ASB15: variants seen among roughly 807,000 people sequenced by gnomAD.
The protein encoded by ASB15 is ankyrin repeat and SOCS box containing 15.
ASB15 carries 54 observed loss-of-function variants against 58.0 expected under a neutral mutation model. That is an observed-to-expected ratio of 0.93 (90% CI 0.75 to 1.17). ASB15 has a LOEUF of 1.17. ASB15 is among the 50% of genes most tolerant of loss of function. The pLI, the probability that ASB15 is intolerant of heterozygous loss-of-function variation, is 0.00. For missense variants in ASB15, 680 were observed against 707.4 expected (o/e 0.96, Z 0.44); for synonymous variants, 249 against 262.4 (o/e 0.95, Z 0.50).
chr7:123,569,524 A>G (rs1386695778), intron 1 of ASB15, among the ~76,000 whole-genome samples: 1 of 152,336 alleles, frequency 6.6e-6, no homozygotes, highest in East Asian at 1.9e-4. Flanking sequence ...GATGTATGAG[A>G]TTGACTTAAG....
At chr7:123,628,345 TCTAA>T (rs1801927999) in intron 9 of ASB15, among the ~76,000 whole-genome samples, 2 of 152,220 alleles carry the variant, frequency 1.3e-5, no homozygotes, top group African/African-American at 2.4e-5. Context: ...CTGCTCTGCG[TCTAA>T]CTGTGTGACC....
At position 123,636,965 on chromosome 7, in the gene ASB15, A is replaced by G. The variant is rs754087701; in HGVS notation, c.1751A>G (p.Glu584Gly). ...AAAGAGTATGATCTCTATGGACAAGAGCTAAAATTGACATAACTTAATATT... is the reference window on the plus strand; with the variant it reads ...AAAGAGTATGATCTCTATGGACAAGGGCTAAAATTGACATAACTTAATATT... ...LFKEYDLYGQ[E>G]LKLT Residue 584 changes from glutamate (E) to glycine (G), a missense_variant, in exon 12 of 12, where the codon GAG becomes GGG. Physicochemically the swap from Glu to Gly is moderately conservative, Grantham distance 98 (BLOSUM62 -2). Transcript: ENST00000451215. The G allele has an allele frequency of 4.6e-6, 7 of 1,537,158 alleles. No individual in the cohort carries two copies. The highest frequency in any genetic ancestry group is 1.4e-5 in the African/African-American group (1 of 72,154).
chr7:123,619,179 C>CAAAAA (rs528943780), intron 7 of ASB15, among the ~76,000 whole-genome samples: 70 of 55,220 alleles, frequency 1.3e-3, no homozygotes, highest in African/African-American at 1.9e-3. Flanking sequence ...GACGCCGTCT[C>CAAAAA]AAAAAAAAAA....
intron 1 of ASB15, among the ~76,000 whole-genome samples, chr7:123,573,006 C>T (rs956429694): frequency 2.0e-5 from 3 of 151,944 alleles, no homozygotes; most frequent in Non-Finnish European, 4.4e-5. Context: ...AAACGATCAG[C>T]TATGTGTTTT....
chr7:123,612,465 A>G (rs1370796705), intron 3 of ASB15: 2 of 152,240 alleles, frequency 1.3e-5, no homozygotes, highest in African/African-American at 4.8e-5. Context: ...TTGGAAAAAT[A>G]TTACATAAGA....
chr7:123,601,382 A>G (rs1799876266), upstream of ASB15, among the ~76,000 whole-genome samples: 1 of 152,212 alleles, frequency 6.6e-6, no homozygotes, highest in Non-Finnish European at 1.5e-5. Flanking sequence ...CAATTATTAA[A>G]CAAAAATCAA....
chr7:123,581,669 C>A (rs1196448089), intron 1 of ASB15, among the ~76,000 whole-genome samples: 1 of 151,826 alleles, frequency 6.6e-6, no homozygotes, highest in Non-Finnish European at 1.5e-5. Context: ...GTGAGAACAC[C>A]ACTCAGAGGA....
At chr7:123,587,568 C>T (rs985584297) in intron 1 of ASB15, among the ~76,000 whole-genome samples, 23 of 151,370 alleles carry the variant, frequency 1.5e-4, no homozygotes, top group Non-Finnish European at 3.0e-4. Context: ...TGGTGAGAAC[C>T]TCCAGTACTA....
intron 1 of ASB15, among the ~76,000 whole-genome samples, chr7:123,576,412 A>T (rs1335587174): frequency 6.6e-6 from 1 of 151,972 alleles, no homozygotes; most frequent in Non-Finnish European, 1.5e-5. Flanking sequence ...AACATTTTCC[A>T]TGTGTGTGTG....
intron 11 of ASB15, among the ~76,000 whole-genome samples, chr7:123,633,657 T>C (rs927835737): frequency 6.6e-6 from 1 of 152,132 alleles, no homozygotes; most frequent in Non-Finnish European, 1.5e-5. Context: ...GTGCGTCTGT[T>C]TACAGATAAG....
intron 1 of ASB15, among the ~76,000 whole-genome samples, chr7:123,588,825 A>G (rs1379413047): frequency 6.7e-6 from 1 of 149,486 alleles, no homozygotes; most frequent in Non-Finnish European, 1.5e-5. Context: ...TTCTTTTTTG[A>G]CCCACTGGTT....
intron 1 of ASB15, among the ~76,000 whole-genome samples, chr7:123,591,907 T>C (rs1368940661): frequency 1.3e-5 from 2 of 152,160 alleles, no homozygotes. Flanking sequence ...TGGTAGAATT[T>C]GGCTGTGAAT....
At chr7:123,627,392 A>G (rs1801866778) in intron 9 of ASB15, 111 bp downstream of exon 9, 8 of 843,098 alleles carry the variant, frequency 9.5e-6, no homozygotes, top group Non-Finnish European at 1.2e-5. Context: ...AGAAATAGGC[A>G]TAATCTTCAG....
In ASB15 at chr7:123,604,038, A is replaced by G. The variant is rs929014850; in HGVS notation, c.-238A>G. 1 of 152,240 alleles carries G rather than the reference A, an allele frequency of 6.6e-6. No individual in the cohort carries two copies. Among genetic ancestry groups the G allele is most frequent in the African/African-American group, 2.4e-5 (1 of 41,442 alleles). 9.4% of individuals were successfully genotyped at this position (152,240 alleles called of 1,614,324 possible). On this transcript the variant is annotated 5_prime_UTR_variant, in exon 2 of 12. Transcript: ENST00000451215. ...TAAACAAATGTGTTTCCAGGAAAGC[A>G]GTCAAGACAGTGCAGGAGGTGAGGC... is the stretch of plus-strand genomic sequence containing the variant.
intron 7 of ASB15, among the ~76,000 whole-genome samples, 195 bp downstream of exon 7, chr7:123,617,932 C>T (rs747531826): frequency 3.9e-5 from 6 of 152,196 alleles, no homozygotes; most frequent in Admixed American, 6.5e-5. Context: ...AAGATGGCTA[C>T]ATCCTTCAGT....
intron 1 of ASB15, among the ~76,000 whole-genome samples, chr7:123,591,744 A>G (rs1465894852): frequency 6.6e-6 from 1 of 152,158 alleles, no homozygotes; most frequent in Non-Finnish European, 1.5e-5. Context: ...CATCAGGGAT[A>G]TTGGCCTAAA....
intron 2 of ASB15, among the ~76,000 whole-genome samples, chr7:123,605,088 GA>G (rs559747892): frequency 6.6e-6 from 1 of 152,006 alleles, no homozygotes; most frequent in Non-Finnish European, 1.5e-5. Context: ...ATTTTGAAGG[GA>G]AAAAAATTTG....
intron 11 of ASB15, among the ~76,000 whole-genome samples, chr7:123,634,615 A>C (rs1017437440): frequency 6.6e-6 from 1 of 152,208 alleles, no homozygotes; most frequent in African/African-American, 2.4e-5. Flanking sequence ...CATTATCTTA[A>C]AAACTGATAA....
At chr7:123,592,064 T>C (rs1333965134) in intron 1 of ASB15, among the ~76,000 whole-genome samples, 1 of 152,232 alleles carries the variant, frequency 6.6e-6, no homozygotes, top group Non-Finnish European at 1.5e-5. Context: ...CCATTTCTTC[T>C]AGATATTTTA....
Sources: gnomAD v4.1 joint callset for allele counts (sites outside exome capture counted in the v4.1 genomes callset) on GRCh38, gnomAD v4.1.1 for gene constraint, MANE v1.5 for transcripts, NCBI Gene and HGNC (gene_info 2026-07-23, HGNC 2026-07-21) for gene names.